The following FBXL7 variants were observed in gnomAD, a reference collection of about 807,000 sequenced individuals.
The protein encoded by FBXL7 is F-box/LRR-repeat protein 7.
Under a neutral mutation model 38.3 loss-of-function variants are expected in FBXL7, and 12 were observed. The ratio of observed to expected loss-of-function variants is 0.31; its 90% CI spans 0.20 to 0.51. The LOEUF is 0.51. FBXL7 is among the 20% of genes least tolerant of loss of function. The pLI is 0.98. For missense variants in FBXL7, 567 were observed against 676.4 expected, an observed-to-expected ratio of 0.84 and a Z score of 1.79; for synonymous variants, 297 against 300.9, an observed-to-expected ratio of 0.99 and a Z score of 0.13.
chr5:15,579,024 T>C (rs1392929542), intron 1 of FBXL7, among the ~76,000 whole-genome samples: 1 of 152,320 alleles, frequency 6.6e-6, no homozygotes, highest in East Asian at 1.9e-4. Flanking sequence ...TGCTTTTTAG[T>C]GGATATTAAT....
intron 2 of FBXL7, among the ~76,000 whole-genome samples, chr5:15,666,822 T>A (rs908010301): frequency 1.3e-5 from 2 of 152,182 alleles, no homozygotes; most frequent in Non-Finnish European, 2.9e-5. Context: ...ATCTGCATTG[T>A]TAGAGAAAAC....
intron 1 of FBXL7, among the ~76,000 whole-genome samples, chr5:15,584,641 G>T (rs1739250584): frequency 6.6e-6 from 1 of 151,948 alleles, no homozygotes; most frequent in Non-Finnish European, 1.5e-5. Context: ...TCTCTTTCTG[G>T]GCTCTCCAAA....
At chr5:15,905,718 T>C (rs1032317931) in intron 2 of FBXL7, among the ~76,000 whole-genome samples, 1 of 152,164 alleles carries the variant, frequency 6.6e-6, no homozygotes, top group Admixed American at 6.5e-5. Context: ...TCTAAACTTA[T>C]GAAGATAAAC....
intron 2 of FBXL7, among the ~76,000 whole-genome samples, chr5:15,767,171 C>G (rs1271911757): frequency 6.6e-6 from 1 of 152,138 alleles, no homozygotes; most frequent in Non-Finnish European, 1.5e-5. Flanking sequence ...CTACACTGCC[C>G]CCGACAGCCC....
intron 1 of FBXL7, among the ~76,000 whole-genome samples, chr5:15,534,085 A>C (rs1347660538): frequency 6.6e-6 from 1 of 152,208 alleles, no homozygotes; most frequent in African/African-American, 2.4e-5. Context: ...TGTAGATTCT[A>C]GACCCCATAC....
At position 15,928,154 on chromosome 5, in the gene FBXL7, C is replaced by G. The variant is rs1240680826; in HGVS notation, c.392C>G (p.Thr131Ser). The G allele has an allele frequency of 1.9e-6, 3 of 1,611,370 alleles. No individual in the cohort carries two copies. In the South Asian group the frequency reaches 3.3e-5, roughly 18 times the overall value. Residue 131 changes from threonine (T) to serine (S), a missense_variant, in exon 3 of 4, where the codon ACC becomes AGC. Transcript: ENST00000504595. The surrounding 1 kb of genome is among the most constrained non-coding windows in gnomAD (Gnocchi z 4.0). The part of the protein sequence containing the change: ...SMVQIFSFLP[T>S]NQLCRCARVC... Reference sequence around the variant, plus strand: ...GTGCAGATCTTCTCCTTCCTGCCCACCAACCAGCTGTGCCGCTGCGCGCGA... The same window carrying G: ...GTGCAGATCTTCTCCTTCCTGCCCAGCAACCAGCTGTGCCGCTGCGCGCGA...
intron 2 of FBXL7, among the ~76,000 whole-genome samples, chr5:15,683,639 C>T (rs1315280650): frequency 1.3e-5 from 2 of 152,198 alleles, no homozygotes; most frequent in African/African-American, 4.8e-5. Flanking sequence ...AAGGCAGCCA[C>T]AGCAATGACA....
intron 2 of FBXL7, among the ~76,000 whole-genome samples, chr5:15,654,035 A>T (rs1561071233): frequency 6.6e-6 from 1 of 152,240 alleles, no homozygotes; most frequent in Non-Finnish European, 1.5e-5. Flanking sequence ...CTGTCAACAC[A>T]TGGAAATAAG....
intron 2 of FBXL7, among the ~76,000 whole-genome samples, chr5:15,724,858 G>T (rs969437691): frequency 6.6e-6 from 1 of 152,148 alleles, no homozygotes; most frequent in Admixed American, 6.5e-5. Flanking sequence ...AGAGTCAAAT[G>T]ATAACTATTT....
chr5:15,562,971 A>G (rs1379703394), intron 1 of FBXL7, among the ~76,000 whole-genome samples: 2 of 152,184 alleles, frequency 1.3e-5, no homozygotes, highest in Non-Finnish European at 2.9e-5. Context: ...CCTGGTATAC[A>G]GAGATGGCTT....
At chr5:15,578,010 G>C (rs1739025133) in intron 1 of FBXL7, among the ~76,000 whole-genome samples, 1 of 152,148 alleles carries the variant, frequency 6.6e-6, no homozygotes, top group African/African-American at 2.4e-5. Flanking sequence ...CTGGGTCCTT[G>C]TTTATGGGAT....
At chr5:15,651,673 A>G (rs1184259810) in intron 2 of FBXL7, among the ~76,000 whole-genome samples, 46 of 152,226 alleles carry the variant, frequency 3.0e-4, no homozygotes, top group Non-Finnish European at 3.5e-4. Flanking sequence ...TAGAGCACAG[A>G]CAGAGTAAAT....
intron 2 of FBXL7, among the ~76,000 whole-genome samples, chr5:15,789,192 A>G (rs774464628): frequency 6.6e-6 from 1 of 152,088 alleles, no homozygotes; most frequent in Non-Finnish European, 1.5e-5. Flanking sequence ...CCAGTGCTCT[A>G]CAAGACCTCA....
intron 2 of FBXL7, among the ~76,000 whole-genome samples, chr5:15,658,280 T>A (rs1246889645): frequency 1.3e-5 from 2 of 152,196 alleles, no homozygotes; most frequent in African/African-American, 4.8e-5. Context: ...TTGCTTAAAC[T>A]AGTAGGAATT....
chr5:15,513,932 A>G (rs911168519), intron 1 of FBXL7, among the ~76,000 whole-genome samples: 1 of 152,008 alleles, frequency 6.6e-6, no homozygotes, highest in African/African-American at 2.4e-5. Context: ...CTCTCTCTTG[A>G]AAGACCTCTC....
In FBXL7 at chr5:15,617,526, A is replaced by T. The variant is rs151333718; in HGVS notation, c.127+1454A>T. On this transcript the variant is annotated intron_variant, in intron 2 of 3. Transcript: ENST00000504595. Reference sequence around the variant, plus strand: ...GACTAGGGTGGAGTGCCGTGGCACGATCTTTGCTCACTGCAACCTCTGCCT... The same window carrying T: ...GACTAGGGTGGAGTGCCGTGGCACGTTCTTTGCTCACTGCAACCTCTGCCT... Among the ~76,000 whole-genome samples the T allele has an allele frequency of 3.1e-3, 477 of 152,016 alleles. 1 individual carries two copies. The highest frequency in any genetic ancestry group is 5.3e-3 in the Non-Finnish European group (360 of 67,978).
intron 1 of FBXL7, among the ~76,000 whole-genome samples, chr5:15,599,361 G>A (rs1479350783): frequency 6.6e-6 from 1 of 152,140 alleles, no homozygotes; most frequent in African/African-American, 2.4e-5. Flanking sequence ...GTGTTTGTAT[G>A]TGTGTGTATG....
intron 2 of FBXL7, among the ~76,000 whole-genome samples, chr5:15,632,577 A>C (rs1741035665): frequency 6.6e-6 from 1 of 152,212 alleles, no homozygotes; most frequent in Admixed American, 6.5e-5. Context: ...TCATATGTAC[A>C]TCACAGCACT....
rs534617035 is a variant in FBXL7, at chr5:15,912,554, G to A, written c.128-15336G>A. Among the ~76,000 whole-genome samples, 11 of 151,844 alleles carry A rather than the reference G, an allele frequency of 7.2e-5. No homozygotes were observed. In the South Asian group the frequency reaches 1.3e-3, roughly 17 times the overall value. ...TTGGCCATCTTGGCTCCTCCCCACC[G>A]ACCTAGAAGGATTTTCCACAAGTAT... is the stretch of plus-strand genomic sequence containing the variant. On this transcript the variant is annotated intron_variant, in intron 2 of 3. Coordinates refer to ENST00000504595, the MANE Select transcript of FBXL7 (RefSeq NM_012304.5).
Sources: allele counts gnomAD v4.1 joint callset (sites outside exome capture counted in the v4.1 genomes callset), GRCh38; gene constraint gnomAD v4.1.1; non-coding constraint Gnocchi (gnomAD v3.1); transcripts MANE v1.5; gene names NCBI Gene and HGNC (gene_info 2026-07-23, HGNC 2026-07-21).